DBT: variants seen among roughly 807,000 people sequenced by gnomAD.
The protein encoded by DBT is lipoamide acyltransferase component of branched-chain alpha-keto acid dehydrogenase complex, mitochondrial.
Under a neutral mutation model 51.3 loss-of-function variants are expected in DBT, and 40 were observed. The ratio of observed to expected loss-of-function variants is 0.78; its 90% CI spans 0.61 to 1.02. The LOEUF (loss-of-function observed/expected upper bound fraction) is 1.02. DBT is among the 50% of genes least tolerant of loss of function. The probability of loss-of-function intolerance (pLI) is 0.00; values close to 1 mark genes in which losing one functional copy is unlikely to be tolerated. For synonymous variants in DBT, 181 were observed against 190.4 expected, an observed-to-expected ratio of 0.95 and a Z score of 0.41; for missense variants, 510 against 580.2, an observed-to-expected ratio of 0.88 and a Z score of 1.24.
chr1:100,243,965 CA>C (rs1199742189), intron 1 of DBT, among the ~76,000 whole-genome samples: 4 of 135,952 alleles, frequency 2.9e-5, no homozygotes, highest in South Asian at 4.6e-4. Context: ...GAGACATAGG[CA>C]GTACGTGATA....
chr1:100,231,841 G>A (rs1401079371), intron 3 of DBT, among the ~76,000 whole-genome samples: 8 of 152,206 alleles, frequency 5.3e-5, no homozygotes, highest in Non-Finnish European at 2.9e-5. Flanking sequence ...AAATGGTTGA[G>A]TTTTGTAGTA....
chr1:100,196,566 A>G lies in DBT; in HGVS notation c.1282-144T>C, dbSNP rs1343179288. 57 of 1,296,088 alleles carry G rather than the reference A, an allele frequency of 4.4e-5. 1 individual carries two copies. Among genetic ancestry groups the G allele is most frequent in the East Asian group, 2.3e-4 (9 of 39,854 alleles). The allele number at this position is 1,296,088 out of a possible 1,614,324, so 80.3% of individuals were successfully genotyped here. ...GTACAGAAAAAAATGGGCATCCCCAATGACTTTTGAAAATGCTGATTCCTA... is the reference window on the plus strand; with the variant it reads ...GTACAGAAAAAAATGGGCATCCCCAGTGACTTTTGAAAATGCTGATTCCTA... On this transcript the variant is annotated intron_variant, in intron 10 of 10. Transcript: ENST00000370132.
Position 100,194,268 on chromosome 1 carries a change from A to G in DBT, c.*1987T>C, listed in dbSNP as rs1660959770. ...CTACAGCTTTGAACTCCTGGGCTCA[A>G]TTGATCCTCTTGTCTCAGCTTCCTG... On this transcript the variant is annotated 3_prime_UTR_variant, in exon 11 of 11. Coordinates refer to ENST00000370132, the MANE Select transcript of DBT (RefSeq NM_001918.5). 1.3e-5 allele frequency: 2 copies of G among 152,066 alleles called. No homozygotes were observed. The highest frequency in any genetic ancestry group is 2.9e-5 in the Non-Finnish European group (2 of 68,040). The allele number at this position is 152,066 out of a possible 1,614,324, so 9.4% of individuals were successfully genotyped here.
At chr1:100,210,670 A>G in intron 8 of DBT, 24 bp downstream of exon 8, 1 of 1,612,882 alleles carries the variant, frequency 6.2e-7, no homozygotes, top group Non-Finnish European at 8.5e-7. Context: ...AATAATAAGA[A>G]CATTTTTACT....
chr1:100,218,552 A>G (rs1662630987), intron 5 of DBT, 74 bp downstream of exon 5: 2 of 1,518,480 alleles, frequency 1.3e-6, no homozygotes, highest in Non-Finnish European at 1.8e-6. Context: ...ATCATGGGAT[A>G]GTTGGCTAAT....
rs1032742499 is a variant in DBT, at chr1:100,193,045, C to T, written c.*3210G>A. The T allele has an allele frequency of 1.3e-5, 2 of 152,264 alleles. No homozygotes were observed. The highest frequency in any genetic ancestry group is 4.8e-5 in the African/African-American group (2 of 41,462). The allele number at this position is 152,264 out of a possible 1,614,324, so 9.4% of individuals were successfully genotyped here. A position where few individuals can be genotyped will look rare whatever the true frequency, so the allele number is the denominator to read the frequency against. The stretch of plus-strand genomic sequence containing the variant: ...GCGCTCCTGCCCCTTTGGCCCTCTT[C>T]AGGGAATCCTGCTATCCTAAGGGCC... On this transcript the variant is annotated 3_prime_UTR_variant, in exon 11 of 11. Transcript: ENST00000370132.
At chr1:100,217,127 T>C (rs1361866901) in intron 5 of DBT, among the ~76,000 whole-genome samples, 2 of 152,136 alleles carry the variant, frequency 1.3e-5, no homozygotes, top group Non-Finnish European at 2.9e-5. Flanking sequence ...AAAAAGATGA[T>C]TTCTGATAAC....
intron 2 of DBT, among the ~76,000 whole-genome samples, chr1:100,240,175 C>T (rs1664128907): frequency 6.6e-6 from 1 of 152,176 alleles, no homozygotes; most frequent in Non-Finnish European, 1.5e-5. Context: ...AGGCTGGTTT[C>T]ATCACACCAT....
chr1:100,218,026 T>A (rs911560676), intron 5 of DBT, among the ~76,000 whole-genome samples: 1 of 152,192 alleles, frequency 6.6e-6, no homozygotes, highest in Non-Finnish European at 1.5e-5. Context: ...CCTATCCCAG[T>A]GCCAGGGAGC....
rs1217050849 is a variant in DBT at position 100,230,900 on chromosome 1, CCTT to C, written c.263_265del (p.Glu88del). 1 of 1,593,328 alleles carries C rather than the reference CCTT, an allele frequency of 6.3e-7. No individual in the cohort carries two copies. Among genetic ancestry groups the C allele is most frequent in the South Asian group, 1.1e-5 (1 of 90,648 alleles). ...GCTATCAAACTGAGACACTGTATCT[CCTT>C]CTTTTACATACCTAAAAGAAAAAGA... is the stretch of plus-strand genomic sequence containing the variant. On this transcript the variant is annotated inframe_deletion, in exon 4 of 11. Transcript: ENST00000370132.
chr1:100,244,025 T>C (rs1205216707), intron 1 of DBT, among the ~76,000 whole-genome samples: 1 of 144,032 alleles, frequency 6.9e-6, no homozygotes, highest in African/African-American at 2.6e-5. Context: ...GTAATCTCAT[T>C]GCACTCCAGC....
chr1:100,241,761 G>A (rs1389034209), intron 1 of DBT, among the ~76,000 whole-genome samples: 3 of 152,090 alleles, frequency 2.0e-5, no homozygotes, highest in Non-Finnish European at 2.9e-5. Context: ...GCTCACGCCT[G>A]TAATCCCAGC....
At chr1:100,221,755 A>G (rs1244620769) in intron 4 of DBT, among the ~76,000 whole-genome samples, 2 of 152,236 alleles carry the variant, frequency 1.3e-5, no homozygotes, top group Non-Finnish European at 2.9e-5. Context: ...AAGCCTGTCA[A>G]TCTCGTGTTA....
rs1372109444 is a variant in DBT at position 100,218,643 on chromosome 1, GACGGCGA to G, written c.531_537del (p.Arg178TrpfsTer9). 6.2e-7 allele frequency: 1 copy of G among 1,614,042 alleles called. No homozygotes were observed. The highest frequency in any genetic ancestry group is 8.5e-7 in the Non-Finnish European group (1 of 1,179,942). On this transcript the variant is annotated frameshift_variant, in exon 5 of 11. Coordinates refer to ENST00000370132, the MANE Select transcript of DBT (RefSeq NM_001918.5). LOFTEE classifies it high-confidence loss of function. Reference sequence around the variant, plus strand: ...GAACTTACATTGTTTTCCATTGCCAGACGGCGAACTGCAGGAGTTGCCAGTGTTTTTC... The same window carrying G: ...GAACTTACATTGTTTTCCATTGCCAGACTGCAGGAGTTGCCAGTGTTTTTC...
chr1:100,244,063 CAAAAAAAAAAAA>C lies in DBT; in HGVS notation c.52-3191_52-3180del, dbSNP rs1162401280. 6.6e-4 allele frequency among the ~76,000 whole-genome samples: 52 copies of C among 79,022 alleles called. 1 individual carries two copies. Among genetic ancestry groups the C allele is most frequent in the African/African-American group, 2.3e-3 (45 of 19,928 alleles). The allele number at this position is 79,022 out of a possible 152,430, so 51.8% of individuals were successfully genotyped here. A position where few individuals can be genotyped will look rare whatever the true frequency, so the allele number is the denominator to read the frequency against. On this transcript the variant is annotated intron_variant, in intron 1 of 10. Transcript: ENST00000370132. ...AGGCAACAAGAGCAAAATTCTATCT[CAAAAAAAAAAAA>C]AAAAAAAAAGGAGTTTAAGTAGAGG...
intron 10 of DBT, among the ~76,000 whole-genome samples, chr1:100,204,608 A>C (rs1661652216): frequency 1.3e-5 from 2 of 152,112 alleles, no homozygotes; most frequent in Non-Finnish European, 1.5e-5. Context: ...AACTACTTTA[A>C]ATTTTATATG....
intron 3 of DBT, 98 bp from the exon 4 acceptor site, chr1:100,231,012 C>G: frequency 1.3e-6 from 1 of 771,296 alleles, no homozygotes; most frequent in Non-Finnish European, 2.3e-6. Flanking sequence ...CAGTATTCAT[C>G]TAGCCCAGCA....
chr1:100,234,814 A>T (rs1343261382), intron 3 of DBT, among the ~76,000 whole-genome samples: 1 of 152,204 alleles, frequency 6.6e-6, no homozygotes, highest in Non-Finnish European at 1.5e-5. Context: ...TAAGTACAAG[A>T]AAAGAATGTT....
intron 1 of DBT, among the ~76,000 whole-genome samples, chr1:100,248,610 G>T (rs1664699271): frequency 6.6e-6 from 1 of 152,192 alleles, no homozygotes; most frequent in Non-Finnish European, 1.5e-5. Context: ...TATTTAAAAG[G>T]CGGGAAGGGA....
Sources: allele counts gnomAD v4.1 joint callset (sites outside exome capture counted in the v4.1 genomes callset), GRCh38; gene constraint gnomAD v4.1.1; transcripts MANE v1.5; gene names NCBI Gene and HGNC (gene_info 2026-07-23, HGNC 2026-07-21).